The following ZSCAN18 variants were observed in gnomAD, a reference collection of about 807,000 sequenced individuals.
ZSCAN18 encodes zinc finger and SCAN domain containing 18.
Under a neutral mutation model 31.1 loss-of-function variants are expected in ZSCAN18, and 16 were observed. The ratio of observed to expected loss-of-function variants is 0.51; its 90% confidence interval spans 0.35 to 0.78. ZSCAN18 has a LOEUF of 0.78. ZSCAN18 is among the 30% of genes least tolerant of loss of function. The probability of loss-of-function intolerance (pLI) is 0.01; values close to 1 mark genes in which losing one functional copy is unlikely to be tolerated. For missense variants in ZSCAN18, 731 were observed against 697.4 expected, an observed-to-expected ratio of 1.05 and a Z score of -0.54; for synonymous variants, 375 against 320.7, an observed-to-expected ratio of 1.17 and a Z score of -1.81.
At chr19:58,107,607 G>A (rs12973189) in intron 1 of ZSCAN18, 392,542 of 938,288 alleles carry the variant, frequency 0.42, 84,795 homozygotes, top group South Asian at 0.52. Context: ...AAACACATGT[G>A]CTGTCATCCA....
chr19:58,086,629 G>C, intron 5 of ZSCAN18: 1 of 501,426 alleles, frequency 2.0e-6, no homozygotes, highest in Non-Finnish European at 3.5e-6. Flanking sequence ...CCCTGTATCT[G>C]GCAAGGAGGG....
intron 1 of ZSCAN18, among the ~76,000 whole-genome samples, chr19:58,106,191 C>T (rs1285043297): frequency 5.3e-5 from 8 of 152,060 alleles, no homozygotes; most frequent in Non-Finnish European, 8.8e-5. Flanking sequence ...CACTTCGGCA[C>T]AGGAGTTCAA....
At chr19:58,100,941 C>T (rs1436516725), upstream of ZSCAN18, among the ~76,000 whole-genome samples, 1 of 151,960 alleles carries the variant, frequency 6.6e-6, no homozygotes, top group Non-Finnish European at 1.5e-5. Flanking sequence ...GTTCTTGCAC[C>T]ATCTGGAAAA....
chr19:58,098,006 GAAGGGAT>G, intron 1 of ZSCAN18, 161 bp downstream of exon 1: 1 of 985,680 alleles, frequency 1.0e-6, no homozygotes, highest in Non-Finnish European at 1.2e-6. Flanking sequence ...CACTCCACGC[GAAGGGAT>G]GCCAGACCCT....
At chr19:58,111,861 G>A (rs974187352) in intron 1 of ZSCAN18, among the ~76,000 whole-genome samples, 2 of 152,082 alleles carry the variant, frequency 1.3e-5, no homozygotes, top group African/African-American at 2.4e-5. Context: ...TACACACCAC[G>A]AGCAAGTAGG....
intron 1 of ZSCAN18, chr19:58,109,222 C>T (rs113995083): frequency 4.1e-6 from 5 of 1,231,492 alleles, no homozygotes; most frequent in African/African-American, 1.6e-5. Flanking sequence ...CCCTGATGAA[C>T]CTTTTTATTT....
chr19:58,089,029 C>G (rs975865408), intron 2 of ZSCAN18, among the ~76,000 whole-genome samples, 192 bp from the exon 3 acceptor site: 2 of 152,052 alleles, frequency 1.3e-5, no homozygotes, highest in African/African-American at 4.8e-5. Flanking sequence ...GGGGGCCGGG[C>G]GCGGTGGCTC....
At chr19:58,093,910 C>T (rs983857284) in intron 1 of ZSCAN18, among the ~76,000 whole-genome samples, 1 of 151,974 alleles carries the variant, frequency 6.6e-6, no homozygotes, top group Non-Finnish European at 1.5e-5. Flanking sequence ...GGGTTAGAGG[C>T]ACTTGCCCCA....
chr19:58,087,056 G>A lies in ZSCAN18; in HGVS notation c.643-48C>T, dbSNP rs766047039. On this transcript the variant is annotated intron_variant, in intron 4 of 6. Coordinates refer to ENST00000601144, the MANE Select transcript of ZSCAN18 (RefSeq NM_001145543.2). ...GACCTCCCACCTGCCCTAGAGAAGG[G>A]AGGACCCGCCGCAGCCCCACAGCCA... 3.4e-6 allele frequency: 5 copies of A among 1,465,146 alleles called. No individual in the cohort carries two copies. In the African/African-American group the frequency reaches 7.0e-5, roughly 20 times the overall value. 90.8% of individuals were successfully genotyped at this position (1,465,146 alleles called of 1,614,324 possible). A position where few individuals can be genotyped will look rare whatever the true frequency, so the allele number is the denominator to read the frequency against.
intron 1 of ZSCAN18, among the ~76,000 whole-genome samples, chr19:58,091,925 C>T (rs930593930): frequency 6.6e-6 from 1 of 152,076 alleles, no homozygotes; most frequent in African/African-American, 2.4e-5. Context: ...CCACACCAGG[C>T]CAGGTGCTGT....
At chr19:58,100,214 C>A (rs1453332603), upstream of ZSCAN18, among the ~76,000 whole-genome samples, 1 of 152,072 alleles carries the variant, frequency 6.6e-6, no homozygotes, top group African/African-American at 2.4e-5. Flanking sequence ...CATGGCCTCC[C>A]AAAGTGCTGG....
chr19:58,094,085 G>A (rs2074471141), intron 1 of ZSCAN18, among the ~76,000 whole-genome samples: 1 of 151,770 alleles, frequency 6.6e-6, no homozygotes. Context: ...TTTTAAATTG[G>A]ACTTCGGAGT....
Position 58,090,622 on chromosome 19 carries a change from C to T in ZSCAN18, c.-119-236G>A. On this transcript the variant is annotated intron_variant, in intron 1 of 6. Transcript: ENST00000601144. This position sits in a 1 kb window ranked among gnomAD's most constrained non-coding sequence, Gnocchi z 4.7. ...TTTTTTTCTTTGAGACCGAGTCACCCTCTGTCACCCAAGCTGGAGTGCAGT... is the reference window on the plus strand; with the variant it reads ...TTTTTTTCTTTGAGACCGAGTCACCTTCTGTCACCCAAGCTGGAGTGCAGT... The T allele has an allele frequency of 2.5e-6, 1 of 402,104 alleles. No individual in the cohort carries two copies. 24.9% of individuals were successfully genotyped at this position (402,104 alleles called of 1,614,324 possible). A position where few individuals can be genotyped will look rare whatever the true frequency, so the allele number is the denominator to read the frequency against.
intron 1 of ZSCAN18, among the ~76,000 whole-genome samples, chr19:58,106,441 G>A (rs1456455674): frequency 1.7e-5 from 1 of 57,388 alleles, no homozygotes; most frequent in African/African-American, 4.6e-5. Flanking sequence ...GGTGGCTCAC[G>A]CCTGTAATCC....
chr19:58,095,912 T>C (rs1436108566), intron 1 of ZSCAN18, among the ~76,000 whole-genome samples: 5 of 152,194 alleles, frequency 3.3e-5, no homozygotes, highest in Non-Finnish European at 1.5e-5. Context: ...TGCTGCCTCC[T>C]GTGAAAACAG....
At position 58,085,242 on chromosome 19, in the gene ZSCAN18, C is replaced by T. The variant is rs374184555; in HGVS notation, c.976G>A (p.Glu326Lys). The change falls in exon 7 of 7, where the codon GAA becomes AAA. Residue 326 changes from glutamate to lysine, a missense_variant. Transcript: ENST00000601144. Reference sequence around the variant, plus strand: ...TCCGGGGCCTTCCCAGGCTGCTCTTCCTCCTCCTCAGTGGTGCCCGACGGG... The same window carrying T: ...TCCGGGGCCTTCCCAGGCTGCTCTTTCTCCTCCTCAGTGGTGCCCGACGGG... ...DPPSGTTEEE[E>K]EQPGKAPDPQ... The T allele has an allele frequency of 1.1e-5, 18 of 1,606,860 alleles. No individual in the cohort carries two copies. The African/African-American group carries it at 2.4e-4, about 21-fold the overall frequency.
At chr19:58,111,303 A>C (rs1210698090) in intron 1 of ZSCAN18, among the ~76,000 whole-genome samples, 1 of 152,142 alleles carries the variant, frequency 6.6e-6, no homozygotes, top group Non-Finnish European at 1.5e-5. Flanking sequence ...CTTGTCATTC[A>C]ACAGTAGCTC....
rs1433558607 is a variant in ZSCAN18 at position 58,087,403 on chromosome 19, G to C, written c.555C>G (p.Pro185=). The stretch of plus-strand genomic sequence containing the variant: ...GAAACAGGGGGTCCGGAGAAAGCCA[G>C]GCTGGGGAGAAGGAGAGGCAGAGCT... ...AGEIPAPSET[P]WLSPDPLFLE... Residue 185 remains proline, a splice_region_variant and synonymous_variant, in exon 4 of 7, where the codon CCC becomes CCG. Coordinates refer to ENST00000601144, the MANE Select transcript of ZSCAN18 (RefSeq NM_001145543.2). The C allele has an allele frequency of 6.3e-7, 1 of 1,597,942 alleles. No individual in the cohort carries two copies. Among genetic ancestry groups the C allele is most frequent in the South Asian group, 1.1e-5 (1 of 88,462 alleles).
At chr19:58,098,257 G>A (rs2074559901), upstream of ZSCAN18, 7 of 985,412 alleles carry the variant, frequency 7.1e-6, no homozygotes, top group South Asian at 9.4e-5. Context: ...CCTGCGCACT[G>A]GGCCTCACCG....
Sources: allele counts gnomAD v4.1 joint callset (sites outside exome capture counted in the v4.1 genomes callset), GRCh38; gene constraint gnomAD v4.1.1; non-coding constraint Gnocchi (gnomAD v3.1); transcripts MANE v1.5; gene names NCBI Gene and HGNC (gene_info 2026-07-23, HGNC 2026-07-21).